ADAP1: variants seen among roughly 807,000 people sequenced by gnomAD.
ADAP1 encodes ArfGAP with dual PH domains 1.
ADAP1 carries 31 observed loss-of-function variants against 54.9 expected under a neutral mutation model. That is an observed-to-expected ratio of 0.56 (90% CI 0.42 to 0.76). The LOEUF (loss-of-function observed/expected upper bound fraction) is 0.76. ADAP1 is among the 30% of genes least tolerant of loss of function. The pLI, the probability that ADAP1 is intolerant of heterozygous loss-of-function variation, is 0.00. For missense variants in ADAP1, 535 were observed against 512.4 expected (o/e 1.04, Z -0.42); for synonymous variants, 313 against 202.6 (o/e 1.55, Z -4.63).
chr7:906,366 A>G (rs62651776), intron 4 of ADAP1, among the ~76,000 whole-genome samples: 16 of 1,598 alleles, frequency 0.01, 2 homozygotes, highest in African/African-American at 0.031. Flanking sequence ...AAAGGGAGAA[A>G]GAGAAAGGAG....
intron 2 of ADAP1, among the ~76,000 whole-genome samples, chr7:933,277 A>C (rs970376207): frequency 1.3e-5 from 2 of 151,898 alleles, no homozygotes; most frequent in African/African-American, 4.8e-5. Flanking sequence ...TCTCAAAAAA[A>C]AAAAAGAATT....
chr7:900,621 G>GGGTAAAGGCA lies in ADAP1; in HGVS notation c.649-6_649-5insTGCCTTTACC. 6.3e-7 allele frequency: 1 copy of GGGTAAAGGCA among 1,587,220 alleles called. No individual in the cohort carries two copies. The highest frequency in any genetic ancestry group is 1.7e-5 in the Admixed American group (1 of 57,646). On this transcript the variant is annotated splice_polypyrimidine_tract_variant and splice_region_variant and intron_variant, in intron 6 of 10. Coordinates refer to ENST00000265846, the MANE Select transcript of ADAP1 (RefSeq NM_006869.4). ...ATTGAACCAGTCCACAATCTCCTAG[G>GGGTAAAGGCA]GGCAAAGGTGGGCACAGGCTTGGGC...
chr7:907,134 T>C (rs1845500783), intron 4 of ADAP1, among the ~76,000 whole-genome samples: 1 of 151,468 alleles, frequency 6.6e-6, no homozygotes, highest in Non-Finnish European at 1.5e-5. Context: ...CTGAGGGGAG[T>C]CCAGCTCAAG....
chr7:930,170 A>G (rs1231698726), intron 2 of ADAP1, among the ~76,000 whole-genome samples: 1 of 150,908 alleles, frequency 6.6e-6, no homozygotes, highest in Non-Finnish European at 1.5e-5. Flanking sequence ...TATAGACCCT[A>G]AAACCACAAA....
Position 899,131 on chromosome 7 carries a change from T to C in ADAP1, c.998A>G (p.Lys333Arg), listed in dbSNP as rs1219090597. Residue 333 changes from lysine (K) to arginine (R), a missense_variant, in exon 10 of 11, where the codon AAG (lysine) becomes AGG (arginine). Lys to Arg is a conservative substitution (Grantham distance 26, BLOSUM62 2). Transcript: ENST00000265846. ...CTCCGTCTCGCAGGCAAACAGAAAC[T>C]TGCGGTCGGGCGTGACGATGGTGAT... ...HGITIVTPDR[K>R]FLFACETESD... 6.2e-7 allele frequency: 1 copy of C among 1,609,956 alleles called. No individual in the cohort carries two copies. The highest frequency in any genetic ancestry group is 1.7e-5 in the Admixed American group (1 of 60,032).
At chr7:921,365 A>G (rs1378065556) in intron 3 of ADAP1, among the ~76,000 whole-genome samples, 1 of 152,256 alleles carries the variant, frequency 6.6e-6, no homozygotes, top group African/African-American at 2.4e-5. Context: ...TGTGTCTCCC[A>G]GGCTGGGGCA....
chr7:906,367 GA>G lies in ADAP1; in HGVS notation c.389-1196del, dbSNP rs1294410823. ...GAAAGGGAAAGGAGAAAGGGAGAAA[GA>G]GAAAGGAGAAAGGAGAAAGGAGAAA... is the stretch of plus-strand genomic sequence containing the variant. On this transcript the variant is annotated intron_variant, in intron 4 of 10. Transcript: ENST00000265846. 3.2e-3 allele frequency among the ~76,000 whole-genome samples: 5 copies of G among 1,556 alleles called. 1 individual carries two copies. Among genetic ancestry groups the G allele is most frequent in the Non-Finnish European group, 4.7e-3 (5 of 1,064 alleles). The allele number at this position is 1,556 out of a possible 152,430, so 1.0% of individuals were successfully genotyped here. A position where few individuals can be genotyped will look rare whatever the true frequency, so the allele number is the denominator to read the frequency against.
chr7:910,404 C>T (rs1845675505), intron 4 of ADAP1, among the ~76,000 whole-genome samples: 1 of 152,126 alleles, frequency 6.6e-6, no homozygotes, highest in African/African-American at 2.4e-5. Flanking sequence ...TGCACGCCAC[C>T]ACACCCGGCT....
Position 898,693 on chromosome 7 carries a change from G to C in ADAP1, c.*228C>G. On this transcript the variant is annotated 3_prime_UTR_variant, in exon 11 of 11. Transcript: ENST00000265846. ...GGGGCAGGTTGGCTGGGTGTGGTCA[G>C]CAGCAGCATGACGGGGTTAGAGATC... 1.7e-6 allele frequency: 1 copy of C among 605,440 alleles called. No homozygotes were observed. 37.5% of individuals were successfully genotyped at this position (605,440 alleles called of 1,614,324 possible). A position where few individuals can be genotyped will look rare whatever the true frequency, so the allele number is the denominator to read the frequency against.
At chr7:911,100 G>T (rs1034301034) in intron 4 of ADAP1, among the ~76,000 whole-genome samples, 49 of 152,168 alleles carry the variant, frequency 3.2e-4, no homozygotes, top group Admixed American at 3.1e-3. Context: ...GAGAACCAGC[G>T]GGCCGTATCC....
intron 4 of ADAP1, among the ~76,000 whole-genome samples, chr7:906,730 TGGGGGACAGAGTACATA>T (rs1845442121): frequency 1.5e-5 from 1 of 66,942 alleles, no homozygotes; most frequent in Non-Finnish European, 2.6e-5. Context: ...GGACGGGACA[TGGGGGACAGAGTACATA>T]GGGGACATGG....
intron 5 of ADAP1, 152 bp from the exon 6 acceptor site, chr7:904,424 G>C (rs994353205): frequency 9.4e-6 from 9 of 953,380 alleles, no homozygotes; most frequent in Non-Finnish European, 1.3e-5. Flanking sequence ...TGGCCTCCCG[G>C]TCTGTAAGCA....
Position 909,503 on chromosome 7 carries a change from G to A in ADAP1, c.389-4331C>T, listed in dbSNP as rs552431679. Among the ~76,000 whole-genome samples, 18 of 152,282 alleles carry A rather than the reference G, an allele frequency of 1.2e-4. 2 individuals carry two copies. The highest frequency in any genetic ancestry group is 3.4e-4 in the African/African-American group (14 of 41,558). ...ACGCAGGAGTGTATTTCAGGACGGC[G>A]CTGGCCACGGTCCCGGACGCGCCCC... is the stretch of plus-strand genomic sequence containing the variant. On this transcript the variant is annotated intron_variant, in intron 4 of 10. Transcript: ENST00000265846.
intron 1 of ADAP1, among the ~76,000 whole-genome samples, 186 bp downstream of exon 1, chr7:954,210 G>A (rs181292372): frequency 0.015 from 2,303 of 151,676 alleles, 59 homozygotes; most frequent in African/African-American, 0.049. Context: ...GAAGACGTCC[G>A]GGTCCCCGCA....
At chr7:906,623 AGAAAGGAGAAAGGAGAAAGG>A (rs1433963754) in intron 4 of ADAP1, among the ~76,000 whole-genome samples, 4 of 62,728 alleles carry the variant, frequency 6.4e-5, no homozygotes, top group Admixed American at 1.7e-4. Context: ...AAGGGAAAGG[AGAAAGGAGAAAGGAGAAAGG>A]GAAAGGAGAA....
In ADAP1 at chr7:900,875, AGGGCCGAAGGGCC is replaced by A. The variant is rs879395659; in HGVS notation, c.649-272_649-260del. 3.8e-4 allele frequency: 233 copies of A among 616,994 alleles called. 2 individuals carry two copies. Among genetic ancestry groups the A allele is most frequent in the African/African-American group, 2.0e-3 (105 of 53,288 alleles). 38.2% of individuals were successfully genotyped at this position (616,994 alleles called of 1,614,324 possible). ...CCGGCGAAGTCCTGAGAAGGGCCGA[AGGGCCGAAGGGCC>A]GGGCCGGGCCGGGCTGGACAGGGTC... On this transcript the variant is annotated intron_variant, in intron 6 of 10. Coordinates refer to ENST00000265846, the MANE Select transcript of ADAP1 (RefSeq NM_006869.4).
intron 4 of ADAP1, among the ~76,000 whole-genome samples, chr7:916,759 G>C (rs367651945): frequency 3.9e-5 from 6 of 152,178 alleles, no homozygotes; most frequent in Non-Finnish European, 5.9e-5. Context: ...TGGGGGTTGG[G>C]GGGGCAGGAG....
chr7:899,063 C>T lies in ADAP1; in HGVS notation c.1066G>A (p.Asp356Asn), dbSNP rs758370620. 1.2e-6 allele frequency: 2 copies of T among 1,608,484 alleles called. No individual in the cohort carries two copies. The highest frequency in any genetic ancestry group is 3.3e-5 in the Admixed American group (2 of 60,006). The part of the protein sequence containing the change: ...EWVAAFQKAV[D>N]RPMLPQEYAV... ...TACTCCTGGGGCAGCATGGGCCTGT[C>T]CACCGCCTTCTGGAAGGCCGCCACC... The change falls in exon 10 of 11, where the codon GAC becomes AAC. Residue 356 changes from aspartate (D) to asparagine (N), a missense_variant. Transcript: ENST00000265846.
In ADAP1 at chr7:918,014, C is replaced by T. The variant is rs542612148; in HGVS notation, c.388+1954G>A. 2.6e-5 allele frequency among the ~76,000 whole-genome samples: 4 copies of T among 152,288 alleles called. No homozygotes were observed. The South Asian group carries it at 8.3e-4, about 32-fold the overall frequency. ...ACGTTGCTCAGGCTGGTCTTGAACTCCTGAGATCAGGAGATCTGCCCGCCT... is the reference window on the plus strand; with the variant it reads ...ACGTTGCTCAGGCTGGTCTTGAACTTCTGAGATCAGGAGATCTGCCCGCCT... On this transcript the variant is annotated intron_variant, in intron 4 of 10. Transcript: ENST00000265846.
Sources: gnomAD v4.1 joint callset for allele counts (sites outside exome capture counted in the v4.1 genomes callset) on GRCh38, gnomAD v4.1.1 for gene constraint, MANE v1.5 for transcripts, NCBI Gene and HGNC (gene_info 2026-07-23, HGNC 2026-07-21) for gene names.